PACRG: variants seen among roughly 807,000 people sequenced by gnomAD.
PACRG encodes parkin coregulated gene protein.
Under a neutral mutation model 29.7 loss-of-function variants are expected in PACRG, and 29 were observed. That is an observed-to-expected ratio of 0.98 (90% confidence interval 0.73 to 1.33). The LOEUF is 1.33. PACRG is among the 40% of genes most tolerant of loss of function. The probability of loss-of-function intolerance (pLI) is 0.00; values close to 1 mark genes in which losing one functional copy is unlikely to be tolerated. For synonymous variants in PACRG, 116 were observed against 118.7 expected (o/e 0.98, Z 0.15); for missense variants, 279 against 316.2 (o/e 0.88, Z 0.89).
chr6:162,770,606 G>C (rs534551701), intron 1 of PACRG, among the ~76,000 whole-genome samples: 1 of 152,082 alleles, frequency 6.6e-6, no homozygotes, highest in South Asian at 2.1e-4. Flanking sequence ...TCACTCATTT[G>C]GTCTCCTCAT....
intron 4 of PACRG, among the ~76,000 whole-genome samples, chr6:163,254,544 G>T (rs547297990): frequency 3.3e-5 from 5 of 152,202 alleles, no homozygotes; most frequent in Non-Finnish European, 5.9e-5. Flanking sequence ...TCTTCAGCTC[G>T]CGAGTGGGCT....
intron 2 of PACRG, among the ~76,000 whole-genome samples, chr6:162,935,769 A>C (rs1266816322): frequency 6.6e-6 from 1 of 152,126 alleles, no homozygotes; most frequent in Non-Finnish European, 1.5e-5. Context: ...TCTTGTGAAC[A>C]GGAACATTTC....
intron 4 of PACRG, among the ~76,000 whole-genome samples, chr6:163,228,339 A>G (rs897348799): frequency 6.8e-6 from 1 of 147,020 alleles, no homozygotes; most frequent in Non-Finnish European, 1.5e-5. Flanking sequence ...TGAAATGGAC[A>G]TCAGTGGAGG....
intron 2 of PACRG, among the ~76,000 whole-genome samples, chr6:162,914,515 T>G (rs1043233445): frequency 4.0e-4 from 59 of 147,360 alleles, no homozygotes; most frequent in Admixed American, 1.3e-3. Context: ...TTTGTTTTTT[T>G]TTTTTTTTTT....
chr6:162,766,684 C>A (rs1225041278), intron 1 of PACRG, among the ~76,000 whole-genome samples: 1 of 152,080 alleles, frequency 6.6e-6, no homozygotes, highest in Non-Finnish European at 1.5e-5. Flanking sequence ...GATATTTCTT[C>A]TTGAGTCAGT....
chr6:163,057,107 A>G (rs1810658683), intron 2 of PACRG, among the ~76,000 whole-genome samples: 1 of 152,202 alleles, frequency 6.6e-6, no homozygotes, highest in Admixed American at 6.5e-5. Flanking sequence ...ATCCCAGAAC[A>G]ACAACAAAAA....
intron 2 of PACRG, among the ~76,000 whole-genome samples, chr6:163,059,768 T>G (rs1368994162): frequency 6.6e-6 from 1 of 152,210 alleles, no homozygotes; most frequent in South Asian, 2.1e-4. Flanking sequence ...TCCAGTCGCT[T>G]GAGGATCAAA....
rs573755705 is a variant in PACRG, at chr6:162,937,789, G to A, written c.291+123508G>A. Among the ~76,000 whole-genome samples, 6 of 151,994 alleles carry A rather than the reference G, an allele frequency of 3.9e-5. No homozygotes were observed. In the East Asian group the frequency reaches 9.7e-4, roughly 24 times the overall value. ...ATTTAGTAACATATTCTGTTGTCTC[G>A]GTTGGACCAAAACTTCAAATCTAGG... On this transcript the variant is annotated intron_variant, in intron 2 of 4. Coordinates refer to ENST00000366888, the MANE Select transcript of PACRG (RefSeq NM_001080379.2).
At chr6:163,113,884 C>T (rs1456146477) in intron 4 of PACRG, among the ~76,000 whole-genome samples, 2 of 152,158 alleles carry the variant, frequency 1.3e-5, no homozygotes, top group East Asian at 1.9e-4. Context: ...TGTGTAACTC[C>T]ACATTTTGTT....
chr6:163,221,804 T>G (rs1292163173), intron 4 of PACRG, among the ~76,000 whole-genome samples: 2 of 152,020 alleles, frequency 1.3e-5, no homozygotes, highest in African/African-American at 4.8e-5. Flanking sequence ...GCAAGGCCTT[T>G]GCCTATTAAA....
At chr6:162,903,705 A>T (rs1327606896) in intron 2 of PACRG, among the ~76,000 whole-genome samples, 1 of 152,178 alleles carries the variant, frequency 6.6e-6, no homozygotes, top group East Asian at 1.9e-4. Context: ...GTGGAGACAC[A>T]GCCAAACCGT....
intron 4 of PACRG, 21 bp downstream of exon 4, chr6:163,089,429 A>G: frequency 6.2e-7 from 1 of 1,608,938 alleles, no homozygotes; most frequent in Non-Finnish European, 8.5e-7. Context: ...CCACGAGTCA[A>G]AATGTCTTTT....
intron 2 of PACRG, among the ~76,000 whole-genome samples, chr6:162,975,032 C>A (rs1466814132): frequency 1.3e-5 from 2 of 152,146 alleles, no homozygotes; most frequent in Non-Finnish European, 2.9e-5. Flanking sequence ...TTGCTGAGAA[C>A]TTTATGGAAA....
At chr6:163,130,719 T>C (rs552878748) in intron 4 of PACRG, among the ~76,000 whole-genome samples, 2 of 152,290 alleles carry the variant, frequency 1.3e-5, no homozygotes, top group African/African-American at 2.4e-5. Context: ...CAAGCCCTGC[T>C]CTTGCCAGGC....
intron 2 of PACRG, among the ~76,000 whole-genome samples, chr6:162,996,122 C>T (rs1250398276): frequency 1.3e-5 from 2 of 152,094 alleles, no homozygotes; most frequent in Non-Finnish European, 2.9e-5. Flanking sequence ...TAAATCTTCT[C>T]ACCACTCGTG....
At chr6:163,203,927 T>C (rs1011749060) in intron 4 of PACRG, among the ~76,000 whole-genome samples, 2 of 152,246 alleles carry the variant, frequency 1.3e-5, no homozygotes, top group African/African-American at 4.8e-5. Context: ...CGGCATTTCA[T>C]ACCTGAGTGA....
intron 4 of PACRG, among the ~76,000 whole-genome samples, chr6:163,290,814 A>T (rs1213946223): frequency 6.6e-6 from 1 of 152,180 alleles, no homozygotes; most frequent in Non-Finnish European, 1.5e-5. Context: ...AAATGTCCTT[A>T]GTTAAATGAA....
chr6:162,977,882 G>C (rs1423584230), intron 2 of PACRG, among the ~76,000 whole-genome samples: 1 of 152,116 alleles, frequency 6.6e-6, no homozygotes, highest in Non-Finnish European at 1.5e-5. Flanking sequence ...AGTGGCTCAC[G>C]TCTGTAATCC....
intron 4 of PACRG, chr6:163,165,856 T>C: frequency 5.8e-6 from 2 of 346,332 alleles, no homozygotes; most frequent in Non-Finnish European, 1.1e-5. Flanking sequence ...ACAGTGAAGA[T>C]GAGAATGGGG....
Sources: gnomAD v4.1 joint callset for allele counts (sites outside exome capture counted in the v4.1 genomes callset) on GRCh38, gnomAD v4.1.1 for gene constraint, MANE v1.5 for transcripts, NCBI Gene and HGNC (gene_info 2026-07-23, HGNC 2026-07-21) for gene names.